Variants in IL31RA observed in about 807,000 individuals in gnomAD.
The protein encoded by IL31RA is interleukin 31 receptor A.
In IL31RA, 66 loss-of-function variants were observed where a neutral mutation model predicts 83.7. The ratio of observed to expected loss-of-function variants is 0.79; its 90% CI spans 0.65 to 0.97. IL31RA has a LOEUF of 0.97. Among genes scored for constraint, IL31RA ranks in the 50% least tolerant of loss-of-function variants. IL31RA has a pLI of 0.00. For synonymous variants in IL31RA, 325 were observed against 329.0 expected, an observed-to-expected ratio of 0.99 and a Z score of 0.13; for missense variants, 798 against 919.4, an observed-to-expected ratio of 0.87 and a Z score of 1.71.
At chr5:55,862,062 G>A (rs928087879) in intron 2 of IL31RA, among the ~76,000 whole-genome samples, 4 of 152,210 alleles carry the variant, frequency 2.6e-5, no homozygotes, top group African/African-American at 9.6e-5. Flanking sequence ...AGTGATGAAT[G>A]TTTTTCCCCT....
chr5:55,896,036 T>TTAGA (rs760226538), intron 6 of IL31RA, among the ~76,000 whole-genome samples: 19 of 152,232 alleles, frequency 1.2e-4, no homozygotes, highest in African/African-American at 4.3e-4. Context: ...CTAGAGGACA[T>TTAGA]TAGATAGTCA....
chr5:55,916,411 A>C (rs1749783148), intron 14 of IL31RA, among the ~76,000 whole-genome samples: 1 of 152,030 alleles, frequency 6.6e-6, no homozygotes, highest in Non-Finnish European at 1.5e-5. Context: ...CATATAAATA[A>C]ATAAATTTTA....
chr5:55,897,526 G>A (rs1160201601), intron 7 of IL31RA, among the ~76,000 whole-genome samples: 3 of 152,296 alleles, frequency 2.0e-5, no homozygotes, highest in Admixed American at 6.5e-5. Context: ...CAGCTTGCTG[G>A]TGTGTCCTCG....
At chr5:55,876,299 G>A (rs1206706083) in intron 4 of IL31RA, among the ~76,000 whole-genome samples, 2 of 152,042 alleles carry the variant, frequency 1.3e-5, no homozygotes, top group South Asian at 2.1e-4. Flanking sequence ...CCAGCTACTC[G>A]GGAGGCTGAG....
intron 2 of IL31RA, among the ~76,000 whole-genome samples, chr5:55,863,250 A>T (rs2112323358): frequency 6.6e-6 from 1 of 152,364 alleles, no homozygotes; most frequent in South Asian, 2.1e-4. Context: ...AGGACACAAA[A>T]CTAGGGAAAG....
At chr5:55,906,873 C>T (rs762849665) in intron 9 of IL31RA, among the ~76,000 whole-genome samples, 1 of 152,228 alleles carries the variant, frequency 6.6e-6, no homozygotes, top group Non-Finnish European at 1.5e-5. Context: ...ATCCTCCTGC[C>T]TCAGCCTCCC....
intron 12 of IL31RA, 26 bp from the exon 13 acceptor site, chr5:55,913,451 T>C: frequency 6.7e-7 from 1 of 1,483,326 alleles, no homozygotes; most frequent in East Asian, 2.3e-5. Context: ...AACTCACTAC[T>C]GACTTTTGTT....
chr5:55,864,892 G>A (rs988339801), intron 2 of IL31RA, among the ~76,000 whole-genome samples: 9 of 149,752 alleles, frequency 6.0e-5, no homozygotes, highest in African/African-American at 2.2e-4. Context: ...CATACACACC[G>A]CACACTACAC....
chr5:55,859,475 A>G, intron 1 of IL31RA, 34 bp from the exon 2 acceptor site: 1 of 1,497,192 alleles, frequency 6.7e-7, no homozygotes, highest in Non-Finnish European at 9.3e-7. Flanking sequence ...AAGAGATATG[A>G]AGCAAACCAA....
chr5:55,860,656 G>A (rs1226244339), intron 2 of IL31RA, among the ~76,000 whole-genome samples: 2 of 152,188 alleles, frequency 1.3e-5, no homozygotes, highest in Admixed American at 1.3e-4. Flanking sequence ...TCCAACTCAA[G>A]ACTACAGGCC....
upstream of IL31RA, among the ~76,000 whole-genome samples, chr5:55,849,432 C>T (rs1745002740): frequency 6.6e-6 from 1 of 152,118 alleles, no homozygotes; most frequent in African/African-American, 2.4e-5. Flanking sequence ...TTGTTAAATC[C>T]ATTAATGTTT....
At chr5:55,853,989 A>T (rs1182487293) in intron 1 of IL31RA, among the ~76,000 whole-genome samples, 1 of 152,194 alleles carries the variant, frequency 6.6e-6, no homozygotes, top group African/African-American at 2.4e-5. Flanking sequence ...CGTGAGTTTG[A>T]ATCTCATTTA....
rs1192139886 is a variant in IL31RA at position 55,867,221 on chromosome 5, TTGTG to T, written c.155-1562_155-1559del. Among the ~76,000 whole-genome samples, 8 of 74,726 alleles carry T rather than the reference TTGTG, an allele frequency of 1.1e-4. 1 individual carries two copies. Among genetic ancestry groups the T allele is most frequent in the East Asian group, 9.1e-4 (3 of 3,290 alleles). 49.0% of individuals were successfully genotyped at this position (74,726 alleles called of 152,430 possible). ...TGTTTGTGTGTGTGCGCATGTGTGT[TTGTG>T]TGTGTGTTTGTGTGTGTGTTTGTGT... On this transcript the variant is annotated intron_variant, in intron 2 of 14. Transcript: ENST00000652347.
chr5:55,853,691 T>G lies in IL31RA; in HGVS notation c.63+2058T>G, dbSNP rs554942049. 4.0e-5 allele frequency: 37 copies of G among 925,336 alleles called. 1 individual carries two copies. In the East Asian group the frequency reaches 5.1e-4, roughly 13 times the overall value. The allele number at this position is 925,336 out of a possible 1,614,324, so 57.3% of individuals were successfully genotyped here. On this transcript the variant is annotated intron_variant, in intron 1 of 14. Transcript: ENST00000652347. ...CCACCACGTGAATTTCTCCTTGAACTGGTTGTTGATAGTTAAGGGAATCTA... is the reference window on the plus strand; with the variant it reads ...CCACCACGTGAATTTCTCCTTGAACGGGTTGTTGATAGTTAAGGGAATCTA...
chr5:55,857,343 C>T (rs544882384), intron 1 of IL31RA, among the ~76,000 whole-genome samples: 11 of 152,206 alleles, frequency 7.2e-5, no homozygotes, highest in African/African-American at 9.6e-5. Context: ...TCAAGTGATC[C>T]GCCCACCTCA....
At chr5:55,916,173 G>A (rs989665695) in intron 14 of IL31RA, among the ~76,000 whole-genome samples, 3 of 152,126 alleles carry the variant, frequency 2.0e-5, no homozygotes, top group Non-Finnish European at 4.4e-5. Flanking sequence ...TTGAGCTCAG[G>A]AGTTTAAGAC....
chr5:55,913,570 A>G lies in IL31RA; in HGVS notation c.1736A>G (p.Asn579Ser), dbSNP rs758512789. The G allele has an allele frequency of 1.3e-6, 2 of 1,599,106 alleles. No homozygotes were observed. The highest frequency in any genetic ancestry group is 1.1e-5 in the South Asian group (1 of 90,800). The part of the protein sequence containing the change: ...LTVAYGLKKP[N>S]KLTHLCWPTV... Reference sequence around the variant, plus strand: ...GTGGCATATGGTCTCAAAAAACCCAAGTGAGTCTGCAGACAACAGTGGGTG... The same window carrying G: ...GTGGCATATGGTCTCAAAAAACCCAGGTGAGTCTGCAGACAACAGTGGGTG... Residue 579 changes from asparagine (N) to serine (S), a missense_variant and splice_region_variant, in exon 13 of 15, where the codon AAC becomes AGC. Physicochemically the swap from Asn to Ser is conservative, Grantham distance 46 (BLOSUM62 1). Coordinates refer to ENST00000652347, the MANE Select transcript of IL31RA (RefSeq NM_139017.7).
chr5:55,908,140 A>T, intron 10 of IL31RA, 125 bp from the exon 11 acceptor site: 1 of 1,325,332 alleles, frequency 7.5e-7, no homozygotes, highest in Non-Finnish European at 1.1e-6. Context: ...TCAATTCCCT[A>T]CTCAACCCTC....
At chr5:55,915,644 C>CT (rs145783567) in intron 14 of IL31RA, among the ~76,000 whole-genome samples, 6,958 of 152,234 alleles carry the variant, frequency 0.046, 291 homozygotes, top group African/African-American at 0.12. Flanking sequence ...ACTCAGAAGT[C>CT]TTTTTTGAGC....
Sources: allele counts gnomAD v4.1 joint callset (sites outside exome capture counted in the v4.1 genomes callset), GRCh38; gene constraint gnomAD v4.1.1; transcripts MANE v1.5; gene names NCBI Gene and HGNC (gene_info 2026-07-23, HGNC 2026-07-21).